Variants in CSMD2 observed in about 807,000 individuals in gnomAD.
The protein encoded by CSMD2 is CUB and sushi domain-containing protein 2.
CSMD2 carries 130 observed loss-of-function variants against 398.5 expected under a neutral mutation model. That is an observed-to-expected ratio of 0.33 (90% CI 0.28 to 0.38). The LOEUF (loss-of-function observed/expected upper bound fraction) is 0.38. Among genes scored for constraint, CSMD2 ranks in the 10% least tolerant of loss-of-function variants. CSMD2 has a pLI of 1.00. For missense variants in CSMD2, 3,829 were observed against 4,764.9 expected, an observed-to-expected ratio of 0.80 and a Z score of 5.78; for synonymous variants, 1,828 against 1,908.5, an observed-to-expected ratio of 0.96 and a Z score of 1.10.
Position 33,700,650 on chromosome 1 carries a change from G to A in CSMD2, c.3600C>T (p.Ser1200=), listed in dbSNP as rs144353308. ...GGCTAAAAACTCCCAGCAAACGGGC[G>A]GAGTTGTTGTTGCCATCATAAACCT... The part of the protein sequence containing the change: ...VLKVYDGNNN[S]ARLLGVFSHS... Residue 1200 remains serine (S), a synonymous_variant, in exon 23 of 71, where the codon TCC becomes TCT. Transcript: ENST00000373381. 4.0e-5 allele frequency: 64 copies of A among 1,614,094 alleles called. No homozygotes were observed. Among genetic ancestry groups the A allele is most frequent in the Middle Eastern group, 3.3e-4 (2 of 6,062 alleles).
chr1:33,819,365 T>C lies in CSMD2; in HGVS notation c.1324+348A>G, dbSNP rs1570105850. ...TGTGTTGTAACAGAGGGATTCAAGG[T>C]GACTGTATAAAAGGTGACTTCCTTT... On this transcript the variant is annotated intron_variant, in intron 9 of 70. Coordinates refer to ENST00000373381, the MANE Select transcript of CSMD2 (RefSeq NM_001281956.2). Among the ~76,000 whole-genome samples the C allele has an allele frequency of 2.0e-5, 3 of 152,274 alleles. No individual in the cohort carries two copies. In the East Asian group the frequency reaches 5.8e-4, roughly 29 times the overall value.
intron 5 of CSMD2, among the ~76,000 whole-genome samples, chr1:33,906,619 C>G (rs892135659): frequency 1.3e-5 from 2 of 152,072 alleles, no homozygotes; most frequent in African/African-American, 4.8e-5. Context: ...GGGAATGGTA[C>G]CATAAACTAG....
At chr1:34,079,536 A>G (rs1656816772) in intron 2 of CSMD2, among the ~76,000 whole-genome samples, 1 of 152,238 alleles carries the variant, frequency 6.6e-6, no homozygotes, top group African/African-American at 2.4e-5. Flanking sequence ...AACATGTTAA[A>G]CTCTGCCTTG....
At chr1:34,098,740 C>T (rs986514626) in intron 1 of CSMD2, among the ~76,000 whole-genome samples, 1 of 151,916 alleles carries the variant, frequency 6.6e-6, no homozygotes, top group Non-Finnish European at 1.5e-5. Context: ...GTTATCTCCT[C>T]GAATCGCACC....
chr1:33,867,349 G>A (rs1640115437), intron 5 of CSMD2, among the ~76,000 whole-genome samples: 2 of 152,194 alleles, frequency 1.3e-5, no homozygotes, highest in Non-Finnish European at 2.9e-5. Context: ...AGCCACACAA[G>A]TGGGTAGGTG....
intron 1 of CSMD2, among the ~76,000 whole-genome samples, chr1:34,123,852 A>T (rs1012959762): frequency 1.3e-5 from 2 of 152,192 alleles, no homozygotes; most frequent in African/African-American, 4.8e-5. Flanking sequence ...TTCCCTAAAC[A>T]GTAAGAGACC....
At chr1:34,127,476 C>T (rs953067011) in intron 1 of CSMD2, among the ~76,000 whole-genome samples, 25 of 152,090 alleles carry the variant, frequency 1.6e-4, no homozygotes, top group African/African-American at 5.8e-4. Context: ...GTGGGAGAGA[C>T]CCCACCTCTT....
chr1:33,628,213 A>G (rs1050865897), intron 32 of CSMD2, among the ~76,000 whole-genome samples: 1 of 152,228 alleles, frequency 6.6e-6, no homozygotes, highest in African/African-American at 2.4e-5. Flanking sequence ...TGAACAGTGA[A>G]GTCGAGATGA....
intron 28 of CSMD2, among the ~76,000 whole-genome samples, chr1:33,649,765 A>G (rs1318811493): frequency 6.6e-6 from 1 of 152,212 alleles, no homozygotes; most frequent in African/African-American, 2.4e-5. Context: ...GATACTGAGG[A>G]CTTACTGTAC....
intron 3 of CSMD2, among the ~76,000 whole-genome samples, chr1:33,990,037 G>A (rs1176345639): frequency 6.6e-6 from 1 of 152,108 alleles, no homozygotes; most frequent in African/African-American, 2.4e-5. Context: ...TTGGGAGGCT[G>A]AGGCTGGCAG....
chr1:33,589,615 A>AT (rs1639298331), intron 44 of CSMD2, among the ~76,000 whole-genome samples: 1 of 152,200 alleles, frequency 6.6e-6, no homozygotes, highest in Non-Finnish European at 1.5e-5. Context: ...AAGTTTAAAT[A>AT]CTTAAAACAT....
intron 3 of CSMD2, among the ~76,000 whole-genome samples, chr1:33,959,750 T>C (rs947233163): frequency 3.9e-5 from 6 of 152,118 alleles, no homozygotes; most frequent in African/African-American, 1.4e-4. Context: ...GGTCAGCTCC[T>C]CCAGGAAGCC....
chr1:34,067,358 T>G (rs1158729927), intron 2 of CSMD2, among the ~76,000 whole-genome samples: 2 of 152,198 alleles, frequency 1.3e-5, no homozygotes, highest in Non-Finnish European at 2.9e-5. Context: ...GAATGCTTAG[T>G]TCTATTGCTA....
intron 5 of CSMD2, among the ~76,000 whole-genome samples, chr1:33,874,203 TA>T (rs1432590453): frequency 1.1e-4 from 17 of 152,228 alleles, no homozygotes; most frequent in African/African-American, 4.1e-4. Context: ...AGTAGAATGA[TA>T]ATAGCACACT....
At chr1:33,591,573 T>C (rs905947655) in intron 44 of CSMD2, among the ~76,000 whole-genome samples, 1 of 152,200 alleles carries the variant, frequency 6.6e-6, no homozygotes, top group Non-Finnish European at 1.5e-5. Context: ...CTGAACAATA[T>C]AAAATAAACA....
At chr1:33,930,771 A>C (rs1356001234) in intron 4 of CSMD2, among the ~76,000 whole-genome samples, 1 of 152,204 alleles carries the variant, frequency 6.6e-6, no homozygotes, top group Non-Finnish European at 1.5e-5. Flanking sequence ...AGTGTGACAC[A>C]AAGTGAAGGG....
intron 3 of CSMD2, among the ~76,000 whole-genome samples, chr1:34,022,892 C>T (rs57011303): frequency 0.1 from 15,544 of 152,014 alleles, 882 homozygotes; most frequent in East Asian, 0.19. Flanking sequence ...AGTGCAGTGG[C>T]GCAATCACAG....
intron 2 of CSMD2, among the ~76,000 whole-genome samples, chr1:34,036,714 C>A (rs1291874225): frequency 2.6e-5 from 4 of 152,100 alleles, no homozygotes; most frequent in African/African-American, 9.7e-5. Context: ...TAAGATGTAA[C>A]TATTGGAGGA....
chr1:33,920,389 AAAG>A (rs926574648), intron 4 of CSMD2, among the ~76,000 whole-genome samples: 8 of 151,482 alleles, frequency 5.3e-5, no homozygotes, highest in African/African-American at 1.9e-4. Context: ...AAAAAAAAAA[AAAG>A]TTGGCTGGGT....
Sources: allele counts gnomAD v4.1 joint callset (sites outside exome capture counted in the v4.1 genomes callset), GRCh38; gene constraint gnomAD v4.1.1; transcripts MANE v1.5; gene names NCBI Gene and HGNC (gene_info 2026-07-23, HGNC 2026-07-21).